STX7: variants seen among roughly 807,000 people sequenced by gnomAD.
STX7 encodes syntaxin-7.
STX7 carries 34 observed loss-of-function variants against 39.6 expected under a neutral mutation model. The ratio of observed to expected loss-of-function variants is 0.86; its 90% CI spans 0.65 to 1.14. STX7 has a LOEUF of 1.14. Ranked by LOEUF, STX7 falls within the 50% of genes most tolerant of loss-of-function variation. The probability of loss-of-function intolerance (pLI) is 0.00; values close to 1 mark genes in which losing one functional copy is unlikely to be tolerated. For missense variants in STX7, 284 were observed against 310.4 expected, an observed-to-expected ratio of 0.92 and a Z score of 0.64; for synonymous variants, 119 against 99.1, an observed-to-expected ratio of 1.20 and a Z score of -1.19.
chr6:132,490,492 C>A (rs1436664080), intron 2 of STX7, among the ~76,000 whole-genome samples: 1 of 152,106 alleles, frequency 6.6e-6, no homozygotes, highest in African/African-American at 2.4e-5. Context: ...AATGGGGGAG[C>A]AGGTAGAAAA....
At chr6:132,471,711 C>CAGT (rs1774728094) in intron 4 of STX7, 111 bp from the exon 5 acceptor site, 2 of 1,187,404 alleles carry the variant, frequency 1.7e-6, no homozygotes, top group South Asian at 3.0e-5. Context: ...TCCCCAATTA[C>CAGT]AGGGCCTTAC....
At chr6:132,474,753 T>C (rs1455961285) in intron 3 of STX7, among the ~76,000 whole-genome samples, 2 of 152,200 alleles carry the variant, frequency 1.3e-5, no homozygotes, top group African/African-American at 4.8e-5. Flanking sequence ...AAAAATACTC[T>C]GTAAAATCCA....
chr6:132,496,780 G>A (rs1775430246), intron 2 of STX7, among the ~76,000 whole-genome samples: 1 of 152,156 alleles, frequency 6.6e-6, no homozygotes, highest in African/African-American at 2.4e-5. Flanking sequence ...CTGATTTCAG[G>A]AAATGTACAT....
At position 132,446,858 on chromosome 6, in the gene STX7, A is replaced by G. The variant is rs1163874576; in HGVS notation, c.*13900T>C. 6.6e-6 allele frequency: 1 copy of G among 152,104 alleles called. No individual in the cohort carries two copies. The highest frequency in any genetic ancestry group is 1.5e-5 in the Non-Finnish European group (1 of 68,024). 9.4% of individuals were successfully genotyped at this position (152,104 alleles called of 1,614,324 possible). A position where few individuals can be genotyped will look rare whatever the true frequency, so the allele number is the denominator to read the frequency against. On this transcript the variant is annotated 3_prime_UTR_variant, in exon 10 of 10. Coordinates refer to ENST00000367941, the MANE Select transcript of STX7 (RefSeq NM_003569.3). ...AAAAAGAATGCTATTAGGCTGACTG[A>G]TTTATGTAAAGCAGTGCCTATCATT...
intron 8 of STX7, among the ~76,000 whole-genome samples, chr6:132,466,044 C>A (rs1011731509): frequency 6.6e-6 from 1 of 152,180 alleles, no homozygotes; most frequent in Non-Finnish European, 1.5e-5. Flanking sequence ...TTTCACTTCC[C>A]CTCTTTACTC....
intron 2 of STX7, among the ~76,000 whole-genome samples, chr6:132,491,791 C>A (rs1775296138): frequency 6.6e-6 from 1 of 152,082 alleles, no homozygotes; most frequent in Non-Finnish European, 1.5e-5. Flanking sequence ...AAATCACCTC[C>A]TGCATGTCCA....
At chr6:132,492,395 A>G (rs1436978199) in intron 2 of STX7, among the ~76,000 whole-genome samples, 1 of 152,200 alleles carries the variant, frequency 6.6e-6, no homozygotes, top group Non-Finnish European at 1.5e-5. Flanking sequence ...CTTCTAACAT[A>G]TGACATAATT....
At chr6:132,492,308 T>C (rs1775310531) in intron 2 of STX7, among the ~76,000 whole-genome samples, 1 of 152,236 alleles carries the variant, frequency 6.6e-6, no homozygotes, top group Admixed American at 6.5e-5. Flanking sequence ...TGCACCCTAT[T>C]TATCAAATGC....
At chr6:132,507,090 A>T (rs1219764584) in intron 1 of STX7, among the ~76,000 whole-genome samples, 1 of 152,210 alleles carries the variant, frequency 6.6e-6, no homozygotes, top group African/African-American at 2.4e-5. Context: ...TGTAAGTGGA[A>T]CCTAAATAAT....
Position 132,503,604 on chromosome 6 carries a change from G to A in STX7, c.-58-16C>T. 8.6e-7 allele frequency: 1 copy of A among 1,162,366 alleles called. No individual in the cohort carries two copies. Among genetic ancestry groups the A allele is most frequent in the Non-Finnish European group, 1.3e-6 (1 of 793,192 alleles). 72.0% of individuals were successfully genotyped at this position (1,162,366 alleles called of 1,614,324 possible). ...AAGCAGTCACCTAAATAATATAAAA[G>A]TCACACAGATATATTTTTTAAGTTA... On this transcript the variant is annotated splice_polypyrimidine_tract_variant and intron_variant, in intron 1 of 9. Coordinates refer to ENST00000367941, the MANE Select transcript of STX7 (RefSeq NM_003569.3).
chr6:132,452,253 C>G lies in STX7; in HGVS notation c.*8505G>C, dbSNP rs1305390201. On this transcript the variant is annotated 3_prime_UTR_variant, in exon 10 of 10. Transcript: ENST00000367941. ...ACTTCCTTAACTTTAGCAAGAGCAT[C>G]TACTTTAAAAACCTACAGCTAACAT... 33 of 152,136 alleles carry G rather than the reference C, an allele frequency of 2.2e-4. No homozygotes were observed. Among genetic ancestry groups the G allele is most frequent in the Admixed American group, 2.2e-3 (33 of 15,268 alleles). 9.4% of individuals were successfully genotyped at this position (152,136 alleles called of 1,614,324 possible).
chr6:132,467,462 C>G (rs1253260442), intron 8 of STX7, among the ~76,000 whole-genome samples: 1 of 152,140 alleles, frequency 6.6e-6, no homozygotes, highest in Non-Finnish European at 1.5e-5. Context: ...GCACTTATCA[C>G]CATTTACTTG....
At chr6:132,491,376 T>C (rs1775283037) in intron 2 of STX7, among the ~76,000 whole-genome samples, 1 of 151,258 alleles carries the variant, frequency 6.6e-6, no homozygotes, top group African/African-American at 2.4e-5. Flanking sequence ...AACTAGAGAC[T>C]GAAGGAACTC....
At chr6:132,473,031 T>C (rs1293769243) in intron 3 of STX7, among the ~76,000 whole-genome samples, 1 of 152,128 alleles carries the variant, frequency 6.6e-6, no homozygotes, top group Non-Finnish European at 1.5e-5. Flanking sequence ...TGGTGGAGCA[T>C]GCCTGTGATC....
intron 2 of STX7, among the ~76,000 whole-genome samples, chr6:132,486,936 G>A (rs1775149376): frequency 6.6e-6 from 1 of 151,974 alleles, no homozygotes; most frequent in African/African-American, 2.4e-5. Context: ...CAAAGTGCTG[G>A]GATTACAGGC....
At chr6:132,495,616 T>A (rs1227416906) in intron 2 of STX7, among the ~76,000 whole-genome samples, 1 of 152,048 alleles carries the variant, frequency 6.6e-6, no homozygotes. Flanking sequence ...GGACTGGAGC[T>A]CCTTTTTTAA....
At chr6:132,510,594 C>T (rs1775822131) in intron 1 of STX7, among the ~76,000 whole-genome samples, 1 of 152,192 alleles carries the variant, frequency 6.6e-6, no homozygotes, top group African/African-American at 2.4e-5. Context: ...ATCAGTTCCT[C>T]AGTCACACTA....
chr6:132,507,565 G>T (rs560118482), intron 1 of STX7, among the ~76,000 whole-genome samples: 1 of 152,304 alleles, frequency 6.6e-6, no homozygotes, highest in Non-Finnish European at 1.5e-5. Flanking sequence ...ATCATACAAT[G>T]TGTTCTTCGA....
chr6:132,464,649 T>G (rs1241928058), intron 8 of STX7, among the ~76,000 whole-genome samples: 1 of 152,198 alleles, frequency 6.6e-6, no homozygotes, highest in Non-Finnish European at 1.5e-5. Flanking sequence ...TCTTTGTAAA[T>G]GGAATGTAAT....
Sources: allele counts gnomAD v4.1 joint callset (sites outside exome capture counted in the v4.1 genomes callset), GRCh38; gene constraint gnomAD v4.1.1; transcripts MANE v1.5; gene names NCBI Gene and HGNC (gene_info 2026-07-23, HGNC 2026-07-21).